The following FAM120A variants were observed in gnomAD, a reference collection of about 807,000 sequenced individuals.
The protein encoded by FAM120A is constitutive coactivator of PPAR-gamma-like protein 1.
A neutral mutation model predicts 109.7 loss-of-function variants in FAM120A; 15 were observed. The ratio of observed to expected loss-of-function variants is 0.14; its 90% CI spans 0.09 to 0.21. The LOEUF is 0.21. FAM120A is among the 10% of genes least tolerant of loss of function. FAM120A has a pLI of 1.00. For synonymous variants in FAM120A, 493 were observed against 572.8 expected, an observed-to-expected ratio of 0.86 and a Z score of 1.99; for missense variants, 899 against 1,439.3, an observed-to-expected ratio of 0.62 and a Z score of 6.07.
rs772520926 is a variant in FAM120A, at chr9:93,452,430, G to C, written c.474+41G>C. On this transcript the variant is annotated intron_variant, in intron 1 of 17. Transcript: ENST00000277165. This position sits in a 1 kb window ranked among gnomAD's most constrained non-coding sequence, Gnocchi z 7.0. The stretch of plus-strand genomic sequence containing the variant: ...CGGGCGGGCCGGGGACCGGGGCCGC[G>C]CCGCACCCCTATCCCCCTTCCCAGG... The C allele has an allele frequency of 6.4e-7, 1 of 1,570,956 alleles. No homozygotes were observed. The highest frequency in any genetic ancestry group is 1.8e-5 in the Admixed American group (1 of 54,454).
In FAM120A at chr9:93,452,683, A is replaced by G. The variant is rs773546079; in HGVS notation, c.474+294A>G. 1 of 1,598,716 alleles carries G rather than the reference A, an allele frequency of 6.3e-7. No homozygotes were observed. Among genetic ancestry groups the G allele is most frequent in the East Asian group, 2.2e-5 (1 of 44,872 alleles). The stretch of plus-strand genomic sequence containing the variant: ...AGAATTCGGAGGCGACAGTGTCATC[A>G]TCCCCAATATCCTTAGTTTTTCCCA... On this transcript the variant is annotated intron_variant, in intron 1 of 17. Coordinates refer to ENST00000277165, the MANE Select transcript of FAM120A (RefSeq NM_014612.5). The surrounding 1 kb of genome is among the most constrained non-coding windows in gnomAD (Gnocchi z 7.0).
At chr9:93,483,405 T>C (rs10992754) in intron 3 of FAM120A, among the ~76,000 whole-genome samples, 39,772 of 151,518 alleles carry the variant, frequency 0.26, 6,442 homozygotes, top group East Asian at 0.43. Context: ...ACATAGTCTA[T>C]TGGGGAAAAA....
At chr9:93,490,015 TG>T (rs1327372595) in intron 3 of FAM120A, among the ~76,000 whole-genome samples, 1 of 152,236 alleles carries the variant, frequency 6.6e-6, no homozygotes, top group Admixed American at 6.5e-5. Context: ...TGTCCTAGAC[TG>T]GGGCAACATT....
Position 93,458,160 on chromosome 9 carries a change from C to T in FAM120A, c.474+5771C>T, listed in dbSNP as rs7874734. ...GACACTGACTCTTCACCTCTCTCAT[C>T]TGGCATCCTGATTCTGCAACTGGAG... On this transcript the variant is annotated intron_variant, in intron 1 of 17. Coordinates refer to ENST00000277165, the MANE Select transcript of FAM120A (RefSeq NM_014612.5). Among the ~76,000 whole-genome samples the T allele has an allele frequency of 9.1e-3, 1,379 of 151,476 alleles. 22 individuals are homozygous for T. The highest frequency in any genetic ancestry group is 0.032 in the African/African-American group (1,312 of 40,778).
At chr9:93,553,990 A>C (rs1012882918) in intron 12 of FAM120A, among the ~76,000 whole-genome samples, 1 of 152,188 alleles carries the variant, frequency 6.6e-6, no homozygotes, top group African/African-American at 2.4e-5. Context: ...CAGATTGTTT[A>C]TGCAAGCTCT....
chr9:93,553,922 A>G (rs1478025731), intron 12 of FAM120A, among the ~76,000 whole-genome samples: 1 of 152,080 alleles, frequency 6.6e-6, no homozygotes. Flanking sequence ...ACACCACATA[A>G]TGTAAGTTTA....
intron 2 of FAM120A, among the ~76,000 whole-genome samples, chr9:93,473,511 A>C (rs1040069185): frequency 6.6e-6 from 1 of 152,078 alleles, no homozygotes; most frequent in Non-Finnish European, 1.5e-5. Context: ...GGGTTTCATC[A>C]TGTTGGCCAG....
In FAM120A at chr9:93,502,565, TACACAC is replaced by T. The variant is rs6151079; in HGVS notation, c.1030+3708_1030+3713del. 4.9e-3 allele frequency among the ~76,000 whole-genome samples: 717 copies of T among 146,770 alleles called. 7 individuals carry two copies. Among genetic ancestry groups the T allele is most frequent in the African/African-American group, 0.011 (451 of 39,722 alleles). On this transcript the variant is annotated intron_variant, in intron 5 of 17. Coordinates refer to ENST00000277165, the MANE Select transcript of FAM120A (RefSeq NM_014612.5). ...AGTGTAGAGTTCTTAGGAGGACACATACACACACACACACACACACACACACACACA... is the reference window on the plus strand; with the variant it reads ...AGTGTAGAGTTCTTAGGAGGACACATACACACACACACACACACACACACA...
At position 93,498,576 on chromosome 9, in the gene FAM120A, T is replaced by C. The variant is rs1427196985; in HGVS notation, c.934-214T>C. Among the ~76,000 whole-genome samples, 1 of 152,250 alleles carries C rather than the reference T, an allele frequency of 6.6e-6. No individual in the cohort carries two copies. The highest frequency in any genetic ancestry group is 2.4e-5 in the African/African-American group (1 of 41,466). On this transcript the variant is annotated intron_variant, in intron 4 of 17. Coordinates refer to ENST00000277165, the MANE Select transcript of FAM120A (RefSeq NM_014612.5). The surrounding 1 kb of genome is among the most constrained non-coding windows in gnomAD (Gnocchi z 4.4). ...CCTGACTACCACTTTGGAGTTCTGC[T>C]CTTGTGACTACATTGCTTTAAAAGA... is the stretch of plus-strand genomic sequence containing the variant.
chr9:93,519,902 G>T (rs1860770623), intron 7 of FAM120A, among the ~76,000 whole-genome samples: 1 of 151,990 alleles, frequency 6.6e-6, no homozygotes, highest in East Asian at 1.9e-4. Flanking sequence ...TAGGGACAGG[G>T]TCTTGCTGTT....
intron 1 of FAM120A, chr9:93,453,474 C>T: frequency 3.0e-6 from 3 of 985,404 alleles, no homozygotes; most frequent in Non-Finnish European, 3.6e-6. Context: ...CTCGGTCTTC[C>T]ATCTTGTCAT....
chr9:93,476,186 C>G, intron 2 of FAM120A, 70 bp from the exon 3 acceptor site: 2 of 1,013,326 alleles, frequency 2.0e-6, no homozygotes, highest in South Asian at 2.7e-5. Context: ...TGACAATATG[C>G]AGCACTTTTG....
At chr9:93,511,683 C>T (rs1043545256) in intron 5 of FAM120A, among the ~76,000 whole-genome samples, 3 of 152,294 alleles carry the variant, frequency 2.0e-5, no homozygotes, top group Non-Finnish European at 4.4e-5. Flanking sequence ...TGTTTGCAAG[C>T]GATGAAAATT....
intron 10 of FAM120A, among the ~76,000 whole-genome samples, chr9:93,540,291 TCTAA>T (rs1382455333): frequency 6.6e-6 from 1 of 152,226 alleles, no homozygotes; most frequent in Non-Finnish European, 1.5e-5. Flanking sequence ...TCAAAAGATC[TCTAA>T]CTATTAGAGA....
In FAM120A at chr9:93,472,706, A is replaced by G. The variant is rs373145794; in HGVS notation, c.721+1319A>G. 2.0e-5 allele frequency among the ~76,000 whole-genome samples: 3 copies of G among 152,392 alleles called. No individual in the cohort carries two copies. In the East Asian group the frequency reaches 5.8e-4, roughly 29 times the overall value. On this transcript the variant is annotated intron_variant, in intron 2 of 17. Transcript: ENST00000277165. ...AAACATTCCAAAACAGTTTTACACAACTAGAAATTGTAAGGAGTCACAATT... is the reference window on the plus strand; with the variant it reads ...AAACATTCCAAAACAGTTTTACACAGCTAGAAATTGTAAGGAGTCACAATT...
chr9:93,507,575 G>A (rs1860116567), intron 5 of FAM120A, among the ~76,000 whole-genome samples: 1 of 152,168 alleles, frequency 6.6e-6, no homozygotes, highest in African/African-American at 2.4e-5. Flanking sequence ...GGAAGCGGAG[G>A]ATAAAGAGAT....
At chr9:93,476,838 T>C (rs924618339) in intron 3 of FAM120A, among the ~76,000 whole-genome samples, 1 of 152,210 alleles carries the variant, frequency 6.6e-6, no homozygotes, top group Non-Finnish European at 1.5e-5. Flanking sequence ...ATTCTTTTTC[T>C]CCCTTTTGAT....
At chr9:93,485,693 CA>C (rs1479090154) in intron 3 of FAM120A, among the ~76,000 whole-genome samples, 2 of 152,154 alleles carry the variant, frequency 1.3e-5, no homozygotes, top group African/African-American at 4.8e-5. Flanking sequence ...AGGCCTTGTC[CA>C]GGGTCAACTT....
chr9:93,455,201 T>G (rs1857499492), intron 1 of FAM120A, among the ~76,000 whole-genome samples: 1 of 152,214 alleles, frequency 6.6e-6, no homozygotes, highest in Non-Finnish European at 1.5e-5. Flanking sequence ...TTAGCAATAA[T>G]AAGGAAGGAA....
Sources: allele counts gnomAD v4.1 joint callset (sites outside exome capture counted in the v4.1 genomes callset), GRCh38; gene constraint gnomAD v4.1.1; non-coding constraint Gnocchi (gnomAD v3.1); transcripts MANE v1.5; gene names NCBI Gene and HGNC (gene_info 2026-07-23, HGNC 2026-07-21).